Variants in PHF2 observed in about 807,000 individuals in gnomAD.
The protein encoded by PHF2 is lysine-specific demethylase PHF2.
In PHF2, 27 loss-of-function variants were observed where a neutral mutation model predicts 120.5. That is an observed-to-expected ratio of 0.22 (90% CI 0.17 to 0.31). PHF2 has a LOEUF of 0.31. PHF2 is among the 10% of genes least tolerant of loss of function. The probability of loss-of-function intolerance (pLI) is 1.00; values close to 1 mark genes in which losing one functional copy is unlikely to be tolerated. For missense variants in PHF2, 1,024 were observed against 1,434.8 expected, an observed-to-expected ratio of 0.71 and a Z score of 4.63; for synonymous variants, 568 against 592.5, an observed-to-expected ratio of 0.96 and a Z score of 0.60.
intron 1 of PHF2, among the ~76,000 whole-genome samples, chr9:93,583,640 A>G (rs1362862329): frequency 6.6e-6 from 1 of 151,912 alleles, no homozygotes; most frequent in African/African-American, 2.4e-5. Context: ...GTTTTTGGCT[A>G]GCATTTCTCT....
intron 17 of PHF2, among the ~76,000 whole-genome samples, chr9:93,669,336 G>A (rs1311542437): frequency 1.3e-5 from 2 of 152,260 alleles, no homozygotes; most frequent in East Asian, 1.9e-4. Context: ...CTGGGGCTGG[G>A]AGAGCCTGCT....
intron 1 of PHF2, among the ~76,000 whole-genome samples, chr9:93,623,281 A>G (rs994347599): frequency 6.6e-6 from 1 of 152,162 alleles, no homozygotes; most frequent in African/African-American, 2.4e-5. Context: ...GAAGTGAGTA[A>G]TGATGGTGCT....
At chr9:93,630,089 G>A (rs10992813) in intron 2 of PHF2, 34 bp downstream of exon 2, 551,893 of 1,597,858 alleles carry the variant, frequency 0.35, 101,542 homozygotes, top group Non-Finnish European at 0.38. Context: ...CATCTCTTGC[G>A]GAAGAGAGCA....
chr9:93,598,424 G>A (rs372127608), intron 1 of PHF2, among the ~76,000 whole-genome samples: 3 of 152,310 alleles, frequency 2.0e-5, no homozygotes, highest in African/African-American at 7.2e-5. Flanking sequence ...CGGGCTGTCA[G>A]TCCATGGGGC....
rs535563167 is a variant in PHF2, at chr9:93,618,356, C to T, written c.99-11614C>T. On this transcript the variant is annotated intron_variant, in intron 1 of 21. Transcript: ENST00000359246. ...CACATGACACACTCGTGGGCAGACG[C>T]ATAGACAGATGCACACAGACATGGA... 2.6e-5 allele frequency among the ~76,000 whole-genome samples: 4 copies of T among 152,380 alleles called. No individual in the cohort carries two copies. In the South Asian group the frequency reaches 8.3e-4, roughly 32 times the overall value.
chr9:93,639,341 T>C (rs564314131), intron 3 of PHF2, among the ~76,000 whole-genome samples: 1 of 152,356 alleles, frequency 6.6e-6, no homozygotes, highest in African/African-American at 2.4e-5. Context: ...CTTTTGTCAA[T>C]AGAATCGTTT....
At chr9:93,601,041 A>G (rs1437696251) in intron 1 of PHF2, among the ~76,000 whole-genome samples, 1 of 152,266 alleles carries the variant, frequency 6.6e-6, no homozygotes, top group Non-Finnish European at 1.5e-5. Context: ...CCGTTGTGCT[A>G]TGGTGGTGTA....
At chr9:93,642,168 C>G (rs1483661507) in intron 3 of PHF2, among the ~76,000 whole-genome samples, 1 of 152,200 alleles carries the variant, frequency 6.6e-6, no homozygotes, top group Non-Finnish European at 1.5e-5. Context: ...GTACCACCGT[C>G]TTGACTGTAG....
At chr9:93,659,916 G>C (rs1348276651) in intron 11 of PHF2, among the ~76,000 whole-genome samples, 1 of 152,174 alleles carries the variant, frequency 6.6e-6, no homozygotes, top group African/African-American at 2.4e-5. Flanking sequence ...CAGCTTGTGT[G>C]TTCCTGGATG....
chr9:93,621,094 A>G (rs1335742772), intron 1 of PHF2, among the ~76,000 whole-genome samples: 5 of 152,208 alleles, frequency 3.3e-5, no homozygotes, highest in Non-Finnish European at 7.3e-5. Flanking sequence ...CACAGGCAGC[A>G]GGGGTTGGAG....
chr9:93,671,580 A>G (rs1439841552), intron 17 of PHF2, among the ~76,000 whole-genome samples: 20 of 98,784 alleles, frequency 2.0e-4, no homozygotes, highest in African/African-American at 4.5e-4. Flanking sequence ...GTAGATGCAG[A>G]TGTGGGTGTG....
intron 17 of PHF2, among the ~76,000 whole-genome samples, chr9:93,673,344 C>T (rs948040047): frequency 1.3e-5 from 2 of 152,058 alleles, no homozygotes; most frequent in African/African-American, 2.4e-5. Flanking sequence ...TCTCTGTCTC[C>T]AGGCCTCCAG....
intron 19 of PHF2, 25 bp from the exon 20 acceptor site, chr9:93,675,654 AG>A: frequency 6.3e-7 from 1 of 1,580,886 alleles, no homozygotes. Context: ...CTACAGCTTG[AG>A]GGGGCTGGCC....
In PHF2 at chr9:93,677,981, G is replaced by A; in HGVS notation, c.*305G>A. ...GCCTTCAGGCCCCCTGAGCGTGGGT[G>A]TGATTGCAGGGCCTCTGCAGCTCTG... On this transcript the variant is annotated 3_prime_UTR_variant, in exon 22 of 22. Coordinates refer to ENST00000359246, the MANE Select transcript of PHF2 (RefSeq NM_005392.4). This position sits in a 1 kb window ranked among gnomAD's most constrained non-coding sequence, Gnocchi z 4.4. The A allele has an allele frequency of 5.9e-6, 2 of 340,182 alleles. No individual in the cohort carries two copies. Among genetic ancestry groups the A allele is most frequent in the East Asian group, 1.2e-4 (2 of 16,454 alleles). 21.1% of individuals were successfully genotyped at this position (340,182 alleles called of 1,614,324 possible).
Position 93,576,891 on chromosome 9 carries a change from TC to T in PHF2, c.98+21del. The stretch of plus-strand genomic sequence containing the variant: ...CGGCAGGTGAGCGCGCGGCGGCTGC[TC>T]GGCTCGGCCCGGCCCGGCCCGGCCA... On this transcript the variant is annotated intron_variant, in intron 1 of 21. Coordinates refer to ENST00000359246, the MANE Select transcript of PHF2 (RefSeq NM_005392.4). The T allele has an allele frequency of 8.8e-7, 1 of 1,135,870 alleles. No homozygotes were observed. Among genetic ancestry groups the T allele is most frequent in the Non-Finnish European group, 1.1e-6 (1 of 882,486 alleles). The allele number at this position is 1,135,870 out of a possible 1,614,324, so 70.4% of individuals were successfully genotyped here.
At chr9:93,650,588 G>C (rs1036628062) in intron 5 of PHF2, among the ~76,000 whole-genome samples, 2 of 152,068 alleles carry the variant, frequency 1.3e-5, no homozygotes, top group Non-Finnish European at 1.5e-5. Flanking sequence ...TCACTGGGTG[G>C]GGCATCCTCT....
At chr9:93,586,963 A>C (rs1344422150) in intron 1 of PHF2, among the ~76,000 whole-genome samples, 1 of 152,156 alleles carries the variant, frequency 6.6e-6, no homozygotes, top group East Asian at 1.9e-4. Context: ...CTGGCCCCCA[A>C]ATGAGGGGAG....
intron 1 of PHF2, among the ~76,000 whole-genome samples, chr9:93,600,113 A>G (rs1825412380): frequency 6.6e-6 from 1 of 151,536 alleles, no homozygotes; most frequent in African/African-American, 2.4e-5. Flanking sequence ...GTATGTGTGT[A>G]GTATGTGTGT....
chr9:93,605,344 A>T (rs1442665263), intron 1 of PHF2, among the ~76,000 whole-genome samples: 1 of 152,206 alleles, frequency 6.6e-6, no homozygotes, highest in Non-Finnish European at 1.5e-5. Context: ...CAGTCTCCCA[A>T]AGTGCTGGGA....
Sources: gnomAD v4.1 joint callset for allele counts (sites outside exome capture counted in the v4.1 genomes callset) on GRCh38, gnomAD v4.1.1 for gene constraint, Gnocchi (gnomAD v3.1) non-coding constraint, MANE v1.5 for transcripts, NCBI Gene and HGNC (gene_info 2026-07-23, HGNC 2026-07-21) for gene names.